Variants in PKD1L1 observed in about 807,000 individuals in gnomAD.
PKD1L1 encodes polycystin-1-like protein 1.
In PKD1L1, 236 loss-of-function variants were observed where a neutral mutation model predicts 323.4. The ratio of observed to expected loss-of-function variants is 0.73; its 90% CI spans 0.66 to 0.81. The LOEUF (loss-of-function observed/expected upper bound fraction) is 0.81. Among genes scored for constraint, PKD1L1 ranks in the 40% least tolerant of loss-of-function variants. The pLI, the probability that PKD1L1 is intolerant of heterozygous loss-of-function variation, is 0.00. For synonymous variants in PKD1L1, 1,344 were observed against 1,335.0 expected (o/e 1.01, Z -0.15); for missense variants, 3,320 against 3,508.0 (o/e 0.95, Z 1.35).
At chr7:47,778,592 T>C (rs992726067) in intron 56 of PKD1L1, among the ~76,000 whole-genome samples, 2 of 152,226 alleles carry the variant, frequency 1.3e-5, no homozygotes, top group African/African-American at 4.8e-5. Context: ...GTAAAGGTCT[T>C]TGACCTATGA....
At chr7:47,861,296 G>A (rs1786017240) in intron 26 of PKD1L1, among the ~76,000 whole-genome samples, 2 of 152,244 alleles carry the variant, frequency 1.3e-5, no homozygotes, top group Admixed American at 6.5e-5. Context: ...AATCAAAGGT[G>A]TTGAAGTGCT....
At chr7:47,922,169 C>T (rs1249746045) in intron 7 of PKD1L1, among the ~76,000 whole-genome samples, 1 of 152,254 alleles carries the variant, frequency 6.6e-6, no homozygotes, top group Non-Finnish European at 1.5e-5. Flanking sequence ...CAGCCTCGGC[C>T]TCCCGAGGTG....
At chr7:47,886,885 T>C (rs1299004936) in intron 17 of PKD1L1, among the ~76,000 whole-genome samples, 1 of 152,182 alleles carries the variant, frequency 6.6e-6, no homozygotes, top group African/African-American at 2.4e-5. Flanking sequence ...TCAAAACTGC[T>C]GTTAGAATTT....
chr7:47,940,322 AG>A lies in PKD1L1; in HGVS notation c.161-6del. The A allele has an allele frequency of 6.2e-7, 1 of 1,608,032 alleles. No homozygotes were observed. Among genetic ancestry groups the A allele is most frequent in the Admixed American group, 1.7e-5 (1 of 59,004 alleles). On this transcript the variant is annotated splice_polypyrimidine_tract_variant and splice_region_variant and intron_variant, in intron 2 of 56. Transcript: ENST00000289672. Reference sequence around the variant, plus strand: ...GCACATGATTAGCATAGACCTCTAGAGAAAAAAAAAAAAGCAAACATTCTGA... The same window carrying A: ...GCACATGATTAGCATAGACCTCTAGAAAAAAAAAAAAAGCAAACATTCTGA...
At chr7:47,822,559 C>T (rs1047377267) in intron 45 of PKD1L1, among the ~76,000 whole-genome samples, 40 of 130,050 alleles carry the variant, frequency 3.1e-4, no homozygotes, top group Non-Finnish European at 4.8e-4. Flanking sequence ...CGCGCCATTG[C>T]GCTCCAGCCT....
Position 47,893,974 on chromosome 7 carries a change from T to C in PKD1L1, c.2357A>G (p.Glu786Gly). 6.2e-7 allele frequency: 1 copy of C among 1,613,756 alleles called. No homozygotes were observed. Among genetic ancestry groups the C allele is most frequent in the Non-Finnish European group, 8.5e-7 (1 of 1,179,894 alleles). Residue 786 changes from glutamate to glycine, a missense_variant, in exon 15 of 57, where the codon GAG becomes GGG. Physicochemically the swap from Glu to Gly is moderately conservative, Grantham distance 98. Transcript: ENST00000289672. ...RAQAPVSVIS[E>G]GTHLFFSRTT... ...CCTGGAGAAGAATAGGTGTGTGCCC[T>C]CGGAGATCACACTGACAGGGGCCTG...
intron 56 of PKD1L1, among the ~76,000 whole-genome samples, chr7:47,791,462 ATTT>A (rs10590668): frequency 0.69 from 100,410 of 145,586 alleles, 34,490 homozygotes; most frequent in Middle Eastern, 0.73. Context: ...TCAAAGAGAC[ATTT>A]TTTTTTTTTT....
chr7:47,950,963 G>A (rs1193169529), upstream of PKD1L1, among the ~76,000 whole-genome samples: 2 of 152,180 alleles, frequency 1.3e-5, no homozygotes, highest in Non-Finnish European at 1.5e-5. Context: ...GGGGTTTGCC[G>A]AGCACTGCAC....
chr7:47,792,786 C>T lies in PKD1L1; in HGVS notation c.8367G>A (p.Leu2789=), dbSNP rs1786981980. ...AEMVENHNYY[L]DEFANLLDEL... ...CGTCTAACAGATTTGCAAATTCATC[C>T]AAGTAGTAATTCTGAAGGGAAGAAA... is the stretch of plus-strand genomic sequence containing the variant. The change falls in exon 56 of 57, where the codon TTG becomes TTA. Residue 2789 remains leucine (L), a synonymous_variant. Transcript: ENST00000289672. 1.2e-6 allele frequency: 2 copies of T among 1,612,886 alleles called. No homozygotes were observed. The highest frequency in any genetic ancestry group is 1.7e-5 in the Admixed American group (1 of 59,932).
rs1785541003 is a variant in PKD1L1, at chr7:47,840,335, T to A, written c.5552+126A>T. The A allele has an allele frequency of 3.2e-6, 2 of 629,024 alleles. No homozygotes were observed. The highest frequency in any genetic ancestry group is 3.7e-5 in the African/African-American group (2 of 54,574). The allele number at this position is 629,024 out of a possible 1,614,324, so 39.0% of individuals were successfully genotyped here. Reference sequence around the variant, plus strand: ...AAAATACATCATAAAATTGTTTGTATATAAATCGATGCTCACTATTAGAGA... The same window carrying A: ...AAAATACATCATAAAATTGTTTGTAAATAAATCGATGCTCACTATTAGAGA... On this transcript the variant is annotated intron_variant, in intron 35 of 56. Transcript: ENST00000289672. The surrounding 1 kb of genome is among the most constrained non-coding windows in gnomAD (Gnocchi z 4.1).
chr7:47,810,876 C>T (rs1450901649), intron 50 of PKD1L1, among the ~76,000 whole-genome samples: 5 of 152,316 alleles, frequency 3.3e-5, no homozygotes, highest in Admixed American at 6.5e-5. Flanking sequence ...GAAGCCCTAA[C>T]TCCTAGTGTG....
intron 51 of PKD1L1, among the ~76,000 whole-genome samples, 161 bp from the exon 52 acceptor site, chr7:47,808,548 T>C (rs148947610): frequency 6.6e-6 from 1 of 152,146 alleles, no homozygotes; most frequent in African/African-American, 2.4e-5. Flanking sequence ...GGGGGAACAT[T>C]ATAGGGTGCA....
chr7:47,885,078 G>A (rs759561904), intron 18 of PKD1L1, among the ~76,000 whole-genome samples: 3 of 151,926 alleles, frequency 2.0e-5, no homozygotes, highest in Non-Finnish European at 2.9e-5. Context: ...TGCAAATGTC[G>A]CCTCCTGTCC....
At chr7:47,800,589 C>G (rs1398809949) in intron 54 of PKD1L1, 60 bp downstream of exon 54, 30 of 1,544,436 alleles carry the variant, frequency 1.9e-5, no homozygotes, top group Non-Finnish European at 2.6e-5. Context: ...GAGTTTCACC[C>G]CAACAGCAAA....
chr7:47,960,898 C>T, the PKD1L1 span, among the ~76,000 whole-genome samples: 1 of 130,096 alleles, frequency 7.7e-6, no homozygotes, highest in Admixed American at 8.2e-5. Flanking sequence ...TTTGTTTGGG[C>T]CTTTCTTGGA....
At chr7:47,958,695 C>A in the PKD1L1 span, among the ~76,000 whole-genome samples, 3 of 152,196 alleles carry the variant, frequency 2.0e-5, no homozygotes, top group African/African-American at 7.2e-5. Flanking sequence ...AAGTATACAT[C>A]CAACAAAGGT....
chr7:47,951,416 T>TA (rs1333047173), upstream of PKD1L1, among the ~76,000 whole-genome samples: 1 of 152,224 alleles, frequency 6.6e-6, no homozygotes, highest in Non-Finnish European at 1.5e-5. Context: ...ATTTAATACT[T>TA]AGTTTCTAAA....
At chr7:47,921,212 G>T (rs1787528455) in intron 7 of PKD1L1, among the ~76,000 whole-genome samples, 1 of 115,732 alleles carries the variant, frequency 8.6e-6, no homozygotes, top group Non-Finnish European at 1.7e-5. Flanking sequence ...TCAAAAAGTG[G>T]CCTAAGGACA....
intron 4 of PKD1L1, among the ~76,000 whole-genome samples, chr7:47,935,480 C>T (rs1787849856): frequency 6.6e-6 from 1 of 152,214 alleles, no homozygotes; most frequent in Non-Finnish European, 1.5e-5. Context: ...CCCACGCATC[C>T]AAGTGTCTGG....
Sources: allele counts gnomAD v4.1 joint callset (sites outside exome capture counted in the v4.1 genomes callset), GRCh38; gene constraint gnomAD v4.1.1; non-coding constraint Gnocchi (gnomAD v3.1); transcripts MANE v1.5; gene names NCBI Gene and HGNC (gene_info 2026-07-23, HGNC 2026-07-21).